CPNE4: variants seen among roughly 807,000 people sequenced by gnomAD.
CPNE4 encodes the protein copine-4.
In CPNE4, 25 loss-of-function variants were observed where a neutral mutation model predicts 67.9. That is an observed-to-expected ratio of 0.37 (90% CI 0.27 to 0.51). CPNE4 has a LOEUF of 0.51. CPNE4 is among the 20% of genes least tolerant of loss of function. CPNE4 has a pLI of 0.93. For synonymous variants in CPNE4, 242 were observed against 244.9 expected, an observed-to-expected ratio of 0.99 and a Z score of 0.11; for missense variants, 464 against 690.8, an observed-to-expected ratio of 0.67 and a Z score of 3.68.
intron 2 of CPNE4, among the ~76,000 whole-genome samples, chr3:131,781,234 C>G (rs1396025781): frequency 2.6e-5 from 4 of 152,054 alleles, no homozygotes; most frequent in African/African-American, 9.7e-5. Context: ...GACATTTCCC[C>G]TGGTATTTTA....
intron 2 of CPNE4, among the ~76,000 whole-genome samples, chr3:131,848,606 G>A (rs2086097056): frequency 6.6e-6 from 1 of 151,506 alleles, no homozygotes; most frequent in Non-Finnish European, 1.5e-5. Flanking sequence ...TTCTAAGTGG[G>A]GCATTGGAAA....
chr3:131,626,534 A>G (rs1240956282), intron 7 of CPNE4, among the ~76,000 whole-genome samples: 1 of 152,150 alleles, frequency 6.6e-6, no homozygotes, highest in Non-Finnish European at 1.5e-5. Context: ...AGGCTGAGAG[A>G]GGTGAGGAAG....
At chr3:131,935,535 A>G (rs777714564) in intron 1 of CPNE4, among the ~76,000 whole-genome samples, 5 of 152,178 alleles carry the variant, frequency 3.3e-5, no homozygotes, top group African/African-American at 4.8e-5. Context: ...CAAGGAGCCA[A>G]GAAAATGTGA....
Position 131,813,139 on chromosome 3 carries a change from G to A in CPNE4, c.181-89514C>T, listed in dbSNP as rs539642321. ...TTTCACATCATTTAATAGAATTTCA[G>A]TCTAATGAAACTTATTCCGATAAAA... On this transcript the variant is annotated intron_variant, in intron 2 of 15. Coordinates refer to ENST00000429747, the MANE Select transcript of CPNE4 (RefSeq NM_130808.3). Among the ~76,000 whole-genome samples, 3 of 152,042 alleles carry A rather than the reference G, an allele frequency of 2.0e-5. No homozygotes were observed. The South Asian group carries it at 6.2e-4, about 31-fold the overall frequency.
intron 1 of CPNE4, among the ~76,000 whole-genome samples, chr3:131,933,579 A>G (rs1327310762): frequency 6.6e-6 from 1 of 152,210 alleles, no homozygotes; most frequent in Non-Finnish European, 1.5e-5. Context: ...CTACATTCTT[A>G]TATTCACTGC....
chr3:131,801,180 A>T (rs1485626230), intron 2 of CPNE4, among the ~76,000 whole-genome samples: 1 of 151,658 alleles, frequency 6.6e-6, no homozygotes, highest in Non-Finnish European at 1.5e-5. Flanking sequence ...TGCTTCTATT[A>T]GTAATGCCCA....
chr3:131,893,649 C>G (rs1192397682), intron 2 of CPNE4, among the ~76,000 whole-genome samples: 1 of 151,698 alleles, frequency 6.6e-6, no homozygotes, highest in Non-Finnish European at 1.5e-5. Context: ...AAACTAGAAA[C>G]CAACAAGAAA....
intron 7 of CPNE4, among the ~76,000 whole-genome samples, chr3:131,604,705 C>T (rs1471145614): frequency 6.6e-6 from 1 of 152,052 alleles, no homozygotes; most frequent in African/African-American, 2.4e-5. Context: ...TGCTCCTCAG[C>T]CTGCAGATGG....
intron 2 of CPNE4, among the ~76,000 whole-genome samples, chr3:131,858,573 C>A (rs1402094770): frequency 1.3e-5 from 2 of 152,136 alleles, no homozygotes; most frequent in South Asian, 4.1e-4. Flanking sequence ...GGTATCATGA[C>A]ATTCTAAAAC....
At chr3:131,872,387 A>C (rs1166376616) in intron 2 of CPNE4, among the ~76,000 whole-genome samples, 1 of 152,116 alleles carries the variant, frequency 6.6e-6, no homozygotes, top group Non-Finnish European at 1.5e-5. Flanking sequence ...AGGAGGACTC[A>C]ATGTTTCAGT....
intron 2 of CPNE4, among the ~76,000 whole-genome samples, chr3:131,792,624 T>C (rs866996106): frequency 1.6e-3 from 118 of 74,490 alleles, no homozygotes; most frequent in African/African-American, 2.9e-3. Context: ...TATATGTATA[T>C]ATATATACAC....
intron 5 of CPNE4, among the ~76,000 whole-genome samples, chr3:131,689,274 A>G (rs930665625): frequency 6.6e-6 from 1 of 152,160 alleles, no homozygotes; most frequent in Admixed American, 6.6e-5. Flanking sequence ...GTGAATGGGA[A>G]GTGTTGAGTC....
chr3:132,002,328 G>A (rs939486866), intron 1 of CPNE4, among the ~76,000 whole-genome samples: 1 of 152,112 alleles, frequency 6.6e-6, no homozygotes, highest in African/African-American at 2.4e-5. Flanking sequence ...AGGAACTAAG[G>A]CTCTCATTAA....
chr3:131,631,508 A>T (rs2079220589), intron 7 of CPNE4, among the ~76,000 whole-genome samples: 1 of 152,358 alleles, frequency 6.6e-6, no homozygotes, highest in South Asian at 2.1e-4. Flanking sequence ...TAATTTAATG[A>T]GAAATTACTT....
At chr3:131,543,249 C>T (rs1935626150) in intron 14 of CPNE4, among the ~76,000 whole-genome samples, 1 of 152,338 alleles carries the variant, frequency 6.6e-6, no homozygotes, top group South Asian at 2.1e-4. Flanking sequence ...TGAGACTACT[C>T]AGCCCTTGAA....
chr3:131,606,158 C>G (rs1474846017), intron 7 of CPNE4, among the ~76,000 whole-genome samples: 1 of 152,156 alleles, frequency 6.6e-6, no homozygotes, highest in African/African-American at 2.4e-5. Context: ...CTTAATCAGT[C>G]TGCAAACCAC....
chr3:131,720,293 T>C (rs1365555670), intron 3 of CPNE4, among the ~76,000 whole-genome samples: 1 of 150,346 alleles, frequency 6.7e-6, no homozygotes, highest in Non-Finnish European at 1.5e-5. Context: ...GGTTTTTTTT[T>C]TTTTTTTTTT....
At chr3:131,850,319 G>A (rs2086187621) in intron 2 of CPNE4, among the ~76,000 whole-genome samples, 1 of 152,036 alleles carries the variant, frequency 6.6e-6, no homozygotes, top group Non-Finnish European at 1.5e-5. Flanking sequence ...AGGAAATGAA[G>A]GCATTCTGCT....
At chr3:131,738,660 GC>G (rs1263203829) in intron 2 of CPNE4, among the ~76,000 whole-genome samples, 4 of 151,822 alleles carry the variant, frequency 2.6e-5, no homozygotes, top group African/African-American at 9.7e-5. Flanking sequence ...TTTTTTTCTG[GC>G]TTTGATAGCC....
Sources: allele counts gnomAD v4.1 joint callset (sites outside exome capture counted in the v4.1 genomes callset), GRCh38; gene constraint gnomAD v4.1.1; transcripts MANE v1.5; gene names NCBI Gene and HGNC (gene_info 2026-07-23, HGNC 2026-07-21).